Variants in THSD7A observed in about 807,000 individuals in gnomAD.
The protein encoded by THSD7A is thrombospondin type 1 domain containing 7A.
Under a neutral mutation model 231.3 loss-of-function variants are expected in THSD7A, and 96 were observed. That is an observed-to-expected ratio of 0.41 (90% CI 0.35 to 0.49). The LOEUF (loss-of-function observed/expected upper bound fraction) is 0.49. Ranked by LOEUF, THSD7A falls within the 20% of genes least tolerant of loss-of-function variation. The pLI is 0.05. For missense variants in THSD7A, 2,290 were observed against 2,070.2 expected, an observed-to-expected ratio of 1.11 and a Z score of -2.06; for synonymous variants, 940 against 743.3, an observed-to-expected ratio of 1.26 and a Z score of -4.30.
chr7:11,404,459 C>G (rs1181765524), intron 22 of THSD7A, among the ~76,000 whole-genome samples: 1 of 152,202 alleles, frequency 6.6e-6, no homozygotes, highest in Non-Finnish European at 1.5e-5. Flanking sequence ...GTAGGCCTTA[C>G]AACTTTTAGC....
At chr7:11,604,304 G>C (rs1300567310) in intron 2 of THSD7A, among the ~76,000 whole-genome samples, 1 of 152,072 alleles carries the variant, frequency 6.6e-6, no homozygotes, top group African/African-American at 2.4e-5. Flanking sequence ...GAGGTATTAT[G>C]ATGAATACAG....
chr7:11,644,818 C>T (rs1157816790), intron 1 of THSD7A, among the ~76,000 whole-genome samples: 1 of 151,878 alleles, frequency 6.6e-6, no homozygotes, highest in Non-Finnish European at 1.5e-5. Flanking sequence ...AATACGATAT[C>T]CTCTCATAAC....
At chr7:11,729,168 T>A (rs999791887) in intron 1 of THSD7A, among the ~76,000 whole-genome samples, 2 of 151,786 alleles carry the variant, frequency 1.3e-5, no homozygotes, top group Non-Finnish European at 2.9e-5. Context: ...AACCAGCATA[T>A]CAAATTATAT....
intron 1 of THSD7A, among the ~76,000 whole-genome samples, chr7:11,818,617 T>C (rs964429756): frequency 6.6e-6 from 1 of 152,114 alleles, no homozygotes; most frequent in African/African-American, 2.4e-5. Flanking sequence ...TCCCAGACAA[T>C]GGCTTCCTCA....
chr7:11,456,084 G>A (rs185947512), intron 11 of THSD7A, among the ~76,000 whole-genome samples: 86 of 152,130 alleles, frequency 5.7e-4, no homozygotes, highest in African/African-American at 1.9e-3. Flanking sequence ...GGGTCCAGAC[G>A]TTGGAGAAGA....
chr7:11,642,688 T>A (rs530155668), intron 1 of THSD7A, among the ~76,000 whole-genome samples: 1 of 152,254 alleles, frequency 6.6e-6, no homozygotes, highest in East Asian at 1.9e-4. Flanking sequence ...TATGCAAAAT[T>A]GCAATAAAAA....
chr7:11,593,449 T>C lies in THSD7A; in HGVS notation c.1076A>G (p.Lys359Arg), dbSNP rs1336943796. 7 of 1,613,886 alleles carry C rather than the reference T, an allele frequency of 4.3e-6. No individual in the cohort carries two copies. The highest frequency in any genetic ancestry group is 5.9e-6 in the Non-Finnish European group (7 of 1,179,878). The change falls in exon 3 of 28, where the codon AAA becomes AGA. Residue 359 changes from lysine (K) to arginine (R), a missense_variant. Coordinates refer to ENST00000423059, the MANE Select transcript of THSD7A (RefSeq NM_015204.3). ...TGACCACTCGGAAACCTGGCACTCT[T>C]TGGTGATCACACAGGACTGGAAGGT... Reference protein sequence around the residue: ...PMTFQSCVITKECQVSEWSEW... With the variant: ...PMTFQSCVITRECQVSEWSEW...
intron 6 of THSD7A, among the ~76,000 whole-genome samples, chr7:11,537,607 C>T (rs73286900): frequency 6.6e-6 from 1 of 152,112 alleles, no homozygotes; most frequent in Non-Finnish European, 1.5e-5. Context: ...GGCTGAACAC[C>T]TAACAGTGCC....
intron 1 of THSD7A, among the ~76,000 whole-genome samples, chr7:11,704,052 C>G (rs186834325): frequency 6.1e-4 from 93 of 151,228 alleles, no homozygotes; most frequent in African/African-American, 2.2e-3. Flanking sequence ...AATCTTTATA[C>G]TAATGCTATA....
chr7:11,664,858 G>A (rs1227599006), intron 1 of THSD7A, among the ~76,000 whole-genome samples: 3 of 151,750 alleles, frequency 2.0e-5, no homozygotes, highest in Non-Finnish European at 2.9e-5. Context: ...TCACATTTTT[G>A]TTTTTCCTTA....
At chr7:11,496,018 T>C (rs1437088535) in intron 6 of THSD7A, among the ~76,000 whole-genome samples, 1 of 152,164 alleles carries the variant, frequency 6.6e-6, no homozygotes, top group African/African-American at 2.4e-5. Flanking sequence ...TTTAAAGTGA[T>C]ATATTCTACA....
At chr7:11,520,743 A>G (rs1788229315) in intron 6 of THSD7A, among the ~76,000 whole-genome samples, 1 of 152,250 alleles carries the variant, frequency 6.6e-6, no homozygotes, top group Non-Finnish European at 1.5e-5. Flanking sequence ...TCATTTATGA[A>G]GGTAGTCACT....
chr7:11,616,959 T>C (rs890331906), intron 2 of THSD7A, among the ~76,000 whole-genome samples: 79 of 152,216 alleles, frequency 5.2e-4, no homozygotes, highest in African/African-American at 1.8e-3. Context: ...CATCTTATTA[T>C]TCAAGGATAA....
intron 1 of THSD7A, among the ~76,000 whole-genome samples, chr7:11,778,222 T>C (rs1257353344): frequency 1.4e-5 from 2 of 138,780 alleles, no homozygotes; most frequent in African/African-American, 2.7e-5. Context: ...AGATTTGGGG[T>C]GTCAGGTTCT....
chr7:11,572,219 T>G (rs560061576), intron 4 of THSD7A, among the ~76,000 whole-genome samples: 114 of 152,216 alleles, frequency 7.5e-4, no homozygotes, highest in African/African-American at 2.7e-3. Context: ...ACCTTGTGTT[T>G]ACTTTGTTTT....
intron 1 of THSD7A, among the ~76,000 whole-genome samples, chr7:11,825,113 A>G (rs1482807434): frequency 1.3e-5 from 2 of 152,102 alleles, no homozygotes; most frequent in African/African-American, 4.8e-5. Flanking sequence ...TAAGTATGTT[A>G]GACCAGTAAA....
intron 1 of THSD7A, among the ~76,000 whole-genome samples, chr7:11,747,138 A>G (rs1009906324): frequency 7.2e-5 from 11 of 151,960 alleles, no homozygotes; most frequent in Non-Finnish European, 1.6e-4. Flanking sequence ...TGCACTTAAA[A>G]GTGAGAATTT....
chr7:11,391,306 G>A (rs1782971995), intron 23 of THSD7A, among the ~76,000 whole-genome samples: 2 of 152,224 alleles, frequency 1.3e-5, no homozygotes, highest in African/African-American at 4.8e-5. Flanking sequence ...CCAGAGAGGA[G>A]GAATCTAGAA....
intron 6 of THSD7A, among the ~76,000 whole-genome samples, chr7:11,536,088 G>A (rs1000466262): frequency 6.6e-6 from 1 of 152,146 alleles, no homozygotes; most frequent in African/African-American, 2.4e-5. Flanking sequence ...CTTAATGTCT[G>A]CTACTTGGGA....
Sources: allele counts gnomAD v4.1 joint callset (sites outside exome capture counted in the v4.1 genomes callset), GRCh38; gene constraint gnomAD v4.1.1; transcripts MANE v1.5; gene names NCBI Gene and HGNC (gene_info 2026-07-23, HGNC 2026-07-21).